Variants in ELAVL1 observed in about 807,000 individuals in gnomAD.
ELAVL1 encodes ELAV-like protein 1.
In ELAVL1, 1 loss-of-function variant was observed where a neutral mutation model predicts 28.4. The observed-to-expected ratio is 0.04, with a 90% confidence interval of 0.01 to 0.17. ELAVL1 has a LOEUF of 0.17. Ranked by LOEUF, ELAVL1 falls within the 10% of genes least tolerant of loss-of-function variation. The pLI is 1.00. For synonymous variants in ELAVL1, 174 were observed against 183.5 expected (o/e 0.95, Z 0.42); for missense variants, 157 against 447.2 (o/e 0.35, Z 5.85).
rs1485918010 is a variant in ELAVL1, at chr19:7,963,416, T to C, written c.*67A>G. On this transcript the variant is annotated 3_prime_UTR_variant, in exon 6 of 6. Transcript: ENST00000407627. The surrounding 1 kb of genome is among the most constrained non-coding windows in gnomAD (Gnocchi z 4.5). ...AATTGGCGCAAAATGAGTTGTACAC[T>C]AACAAGAAAAGTTTCAACTCCTTCA... The C allele has an allele frequency of 1.3e-6, 2 of 1,530,016 alleles. No homozygotes were observed. The highest frequency in any genetic ancestry group is 1.8e-6 in the Non-Finnish European group (2 of 1,136,766). The allele number at this position is 1,530,016 out of a possible 1,614,324, so 94.8% of individuals were successfully genotyped here.
chr19:7,989,957 G>C (rs1173816895), intron 2 of ELAVL1, among the ~76,000 whole-genome samples: 2 of 152,160 alleles, frequency 1.3e-5, no homozygotes, highest in African/African-American at 2.4e-5. Context: ...GCAATGATGG[G>C]TACATCAGGT....
chr19:7,978,065 A>G (rs1228511380), intron 3 of ELAVL1, among the ~76,000 whole-genome samples: 1 of 152,184 alleles, frequency 6.6e-6, no homozygotes, highest in Admixed American at 6.5e-5. Context: ...CCACCCTGGG[A>G]CCACCTTACA....
intron 3 of ELAVL1, among the ~76,000 whole-genome samples, chr19:7,980,364 C>G (rs1358799537): frequency 6.6e-6 from 1 of 152,166 alleles, no homozygotes. Flanking sequence ...GTGGCAGGAG[C>G]TGCCCACGAA....
intron 4 of ELAVL1, among the ~76,000 whole-genome samples, chr19:7,972,573 C>G (rs1326016910): frequency 6.6e-6 from 1 of 152,202 alleles, no homozygotes; most frequent in Non-Finnish European, 1.5e-5. Context: ...TACTGCACCC[C>G]AAATGCCTGC....
rs1984762275 is a variant in ELAVL1 at position 7,960,075 on chromosome 19, T to C, written c.*3408A>G. The C allele has an allele frequency of 6.6e-6, 1 of 152,168 alleles. No individual in the cohort carries two copies. The highest frequency in any genetic ancestry group is 1.5e-5 in the Non-Finnish European group (1 of 68,034). The allele number at this position is 152,168 out of a possible 1,614,324, so 9.4% of individuals were successfully genotyped here. On this transcript the variant is annotated 3_prime_UTR_variant, in exon 6 of 6. Transcript: ENST00000407627. ...CAAGTCCGATGCCGGACTGGGTAAG[T>C]CATGTCTTTTCAATGCCTGGTGGAC... is the stretch of plus-strand genomic sequence containing the variant.
chr19:7,974,105 A>G (rs1200098170), intron 3 of ELAVL1, among the ~76,000 whole-genome samples: 2 of 152,216 alleles, frequency 1.3e-5, no homozygotes, highest in African/African-American at 2.4e-5. Context: ...GGTGCTCACC[A>G]TCCTCAAGGA....
Position 7,958,622 on chromosome 19 carries a change from C to T in ELAVL1, c.*4861G>A, listed in dbSNP as rs1057141430. 1 of 152,204 alleles carries T rather than the reference C, an allele frequency of 6.6e-6. No homozygotes were observed. The highest frequency in any genetic ancestry group is 1.5e-5 in the Non-Finnish European group (1 of 68,042). The allele number at this position is 152,204 out of a possible 1,614,324, so 9.4% of individuals were successfully genotyped here. A position where few individuals can be genotyped will look rare whatever the true frequency, so the allele number is the denominator to read the frequency against. ...TACCAAAATATCACAGAATTCCAGT[C>T]ATAGTTAACATACAGCGTTTAACAC... On this transcript the variant is annotated 3_prime_UTR_variant, in exon 6 of 6. Transcript: ENST00000407627.
rs116616071 is a variant in ELAVL1, at chr19:7,964,004, G to C, written c.657-197C>G. On this transcript the variant is annotated intron_variant, in intron 5 of 5. Transcript: ENST00000407627. ...TACAGTAGTGGAGGGGCGGGACCCT[G>C]TTCTGTAGGGAGCTGACTCTGAGGG... Among the ~76,000 whole-genome samples the C allele has an allele frequency of 8.3e-3, 1,271 of 152,324 alleles. 17 individuals carry two copies. The highest frequency in any genetic ancestry group is 0.029 in the African/African-American group (1,202 of 41,586).
chr19:7,987,512 A>T (rs1435132105), intron 2 of ELAVL1, among the ~76,000 whole-genome samples: 1 of 152,176 alleles, frequency 6.6e-6, no homozygotes, highest in East Asian at 1.9e-4. Context: ...CATAGGGACC[A>T]GGGCCAGGCC....
intron 4 of ELAVL1, among the ~76,000 whole-genome samples, chr19:7,969,692 G>A (rs1266334453): frequency 5.3e-5 from 8 of 152,128 alleles, no homozygotes; most frequent in South Asian, 2.1e-4. Flanking sequence ...TGGCCGGCTC[G>A]TAGGGAAGCT....
chr19:7,995,744 G>A (rs1403655663), intron 1 of ELAVL1, among the ~76,000 whole-genome samples: 1 of 150,530 alleles, frequency 6.6e-6, no homozygotes, highest in African/African-American at 2.5e-5. Context: ...TTGGGCTGGG[G>A]AAAGATTTCT....
intron 3 of ELAVL1, among the ~76,000 whole-genome samples, chr19:7,980,163 CG>C (rs1329834917): frequency 6.6e-6 from 1 of 152,092 alleles, no homozygotes; most frequent in Admixed American, 6.5e-5. Flanking sequence ...GGATTCTGGC[CG>C]GGAAGCCCTT....
Position 7,963,949 on chromosome 19 carries a change from G to T in ELAVL1, c.657-142C>A. On this transcript the variant is annotated intron_variant, in intron 5 of 5. Transcript: ENST00000407627. The surrounding 1 kb of genome is among the most constrained non-coding windows in gnomAD (Gnocchi z 4.5). ...CGAGGTGCTCACGGTTGAGACACCT[G>T]CATGGGTCAAAACCCTGGGAGGAAT... 1 of 909,468 alleles carries T rather than the reference G, an allele frequency of 1.1e-6. No homozygotes were observed. Among genetic ancestry groups the T allele is most frequent in the Non-Finnish European group, 1.6e-6 (1 of 615,932 alleles). 56.3% of individuals were successfully genotyped at this position (909,468 alleles called of 1,614,324 possible).
intron 3 of ELAVL1, among the ~76,000 whole-genome samples, chr19:7,977,898 G>C (rs1439106459): frequency 1.3e-5 from 2 of 152,246 alleles, no homozygotes; most frequent in Non-Finnish European, 2.9e-5. Flanking sequence ...TCTCCTCTAG[G>C]ATGCGGCCCT....
At chr19:7,986,254 TTC>T (rs1278471852) in intron 2 of ELAVL1, among the ~76,000 whole-genome samples, 1 of 152,160 alleles carries the variant, frequency 6.6e-6, no homozygotes, top group Non-Finnish European at 1.5e-5. Flanking sequence ...GTCCCGTGAG[TTC>T]TCTCTTTAAA....
chr19:7,985,043 C>G (rs1352823281), intron 2 of ELAVL1, among the ~76,000 whole-genome samples: 23 of 152,178 alleles, frequency 1.5e-4, no homozygotes, highest in Admixed American at 1.5e-3. Context: ...CCTCAGCCCC[C>G]CAAGTAGCTG....
intron 2 of ELAVL1, among the ~76,000 whole-genome samples, chr19:7,985,057 C>T (rs1756846620): frequency 6.6e-6 from 1 of 152,186 alleles, no homozygotes; most frequent in Non-Finnish European, 1.5e-5. Flanking sequence ...GTAGCTGGGA[C>T]TAGAGGGGCA....
chr19:7,996,902 G>C (rs2081051674), intron 1 of ELAVL1, among the ~76,000 whole-genome samples: 1 of 152,166 alleles, frequency 6.6e-6, no homozygotes, highest in South Asian at 2.1e-4. Flanking sequence ...AATATATATG[G>C]ATGGCAGACA....
chr19:7,990,787 G>C (rs989761384), intron 2 of ELAVL1, among the ~76,000 whole-genome samples: 2 of 152,180 alleles, frequency 1.3e-5, no homozygotes, highest in Admixed American at 6.5e-5. Flanking sequence ...GGAAGGCAGG[G>C]GGGTAGGGGT....
Sources: gnomAD v4.1 joint callset for allele counts (sites outside exome capture counted in the v4.1 genomes callset) on GRCh38, gnomAD v4.1.1 for gene constraint, Gnocchi (gnomAD v3.1) non-coding constraint, MANE v1.5 for transcripts, NCBI Gene and HGNC (gene_info 2026-07-23, HGNC 2026-07-21) for gene names.